Variants in LRBA observed in about 807,000 individuals in gnomAD.
LRBA encodes lipopolysaccharide-responsive and beige-like anchor protein.
Under a neutral mutation model 330.0 loss-of-function variants are expected in LRBA, and 176 were observed. The observed-to-expected ratio is 0.53, with a 90% CI of 0.47 to 0.60. The LOEUF (loss-of-function observed/expected upper bound fraction) is 0.60, where lower values mean the gene tolerates loss of function less well. Ranked by LOEUF, LRBA falls within the 20% of genes least tolerant of loss-of-function variation. The probability of loss-of-function intolerance (pLI) is 0.00; values close to 1 mark genes in which losing one functional copy is unlikely to be tolerated. For synonymous variants in LRBA, 1,230 were observed against 1,193.0 expected (o/e 1.03, Z -0.64); for missense variants, 3,259 against 3,444.8 (o/e 0.95, Z 1.35).
intron 53 of LRBA, among the ~76,000 whole-genome samples, chr4:150,296,278 A>T (rs999065981): frequency 2.0e-5 from 3 of 152,212 alleles, no homozygotes; most frequent in Non-Finnish European, 2.9e-5. Flanking sequence ...ACCCAAAGGA[A>T]ATAAGGCAGT....
chr4:150,776,669 C>A (rs926358472), intron 34 of LRBA, among the ~76,000 whole-genome samples: 1 of 151,766 alleles, frequency 6.6e-6, no homozygotes, highest in African/African-American at 2.4e-5. Flanking sequence ...AAAAATTAGC[C>A]GGGCATGGTG....
intron 37 of LRBA, among the ~76,000 whole-genome samples, chr4:150,622,688 CT>C (rs10528461): frequency 1.7e-3 from 184 of 105,608 alleles, no homozygotes; most frequent in African/African-American, 7.1e-3. Flanking sequence ...CTAAATCAAT[CT>C]TTTTTTTTTT....
At chr4:150,415,402 G>C (rs1219180697) in intron 47 of LRBA, 36 bp downstream of exon 47, 3 of 1,596,582 alleles carry the variant, frequency 1.9e-6, no homozygotes, top group Non-Finnish European at 2.6e-6. Context: ...TTGAGCAAAA[G>C]CTCATGACAG....
intron 34 of LRBA, among the ~76,000 whole-genome samples, chr4:150,769,353 CAG>C (rs1326696350): frequency 1.3e-5 from 2 of 151,696 alleles, no homozygotes; most frequent in Non-Finnish European, 2.9e-5. Flanking sequence ...GACACAGAGA[CAG>C]AGAGAGAAAG....
chr4:150,949,644 A>G (rs1162941731), intron 2 of LRBA, among the ~76,000 whole-genome samples: 5 of 152,104 alleles, frequency 3.3e-5, no homozygotes, highest in African/African-American at 1.2e-4. Context: ...ATTCTATGTG[A>G]GGTATAAATT....
At chr4:150,635,115 T>C (rs1156270652) in intron 37 of LRBA, among the ~76,000 whole-genome samples, 2 of 152,214 alleles carry the variant, frequency 1.3e-5, no homozygotes, top group Non-Finnish European at 2.9e-5. Flanking sequence ...GAAGTCAACA[T>C]GGCAGATTAG....
intron 38 of LRBA, chr4:150,597,095 C>G: frequency 7.1e-7 from 1 of 1,398,870 alleles, no homozygotes; most frequent in South Asian, 1.3e-5. Context: ...TTGCTGTTCT[C>G]TCTCAATTTA....
intron 37 of LRBA, among the ~76,000 whole-genome samples, chr4:150,645,195 T>C (rs1450718354): frequency 7.1e-6 from 1 of 140,926 alleles, no homozygotes; most frequent in Non-Finnish European, 1.6e-5. Context: ...GCTAAGGGCA[T>C]AGACTGATTT....
intron 36 of LRBA, among the ~76,000 whole-genome samples, chr4:150,729,073 A>C (rs936639929): frequency 6.6e-6 from 1 of 152,200 alleles, no homozygotes; most frequent in Non-Finnish European, 1.5e-5. Context: ...TAATCCCAGC[A>C]CTTTGTGAAG....
Position 150,896,460 on chromosome 4 carries a change from CA to C in LRBA, c.2005-5del. ...CATCTTCCTTTACTCCAGAATCCTT[CA>C]AAAACATAATACAGGTATCTTACGT... On this transcript the variant is annotated splice_region_variant and splice_polypyrimidine_tract_variant and intron_variant, in intron 15 of 56. Coordinates refer to ENST00000651943, the MANE Select transcript of LRBA (RefSeq NM_001364905.1). The C allele has an allele frequency of 6.7e-7, 1 of 1,492,692 alleles. No individual in the cohort carries two copies. The highest frequency in any genetic ancestry group is 9.2e-7 in the Non-Finnish European group (1 of 1,084,746). The allele number at this position is 1,492,692 out of a possible 1,614,324, so 92.5% of individuals were successfully genotyped here.
At chr4:150,843,215 T>C (rs1409825021) in intron 28 of LRBA, among the ~76,000 whole-genome samples, 1 of 152,136 alleles carries the variant, frequency 6.6e-6, no homozygotes, top group Non-Finnish European at 1.5e-5. Flanking sequence ...TTCAATACTA[T>C]TAAGTAGTGA....
chr4:150,834,425 A>T (rs115380136), intron 28 of LRBA, among the ~76,000 whole-genome samples: 291 of 152,346 alleles, frequency 1.9e-3, no homozygotes, highest in African/African-American at 6.5e-3. Context: ...TTCACTAAAA[A>T]GCATGAAAAT....
At chr4:150,563,741 C>T (rs1334316756) in intron 40 of LRBA, among the ~76,000 whole-genome samples, 1 of 152,054 alleles carries the variant, frequency 6.6e-6, no homozygotes, top group Non-Finnish European at 1.5e-5. Context: ...ATACCAATAA[C>T]AGACAAACAG....
intron 40 of LRBA, among the ~76,000 whole-genome samples, chr4:150,565,395 G>A (rs1201860960): frequency 6.6e-6 from 1 of 152,048 alleles, no homozygotes; most frequent in Non-Finnish European, 1.5e-5. Context: ...TAATGCATGT[G>A]GGGCTTAAAA....
chr4:150,560,814 C>T (rs1450591622), intron 40 of LRBA, among the ~76,000 whole-genome samples: 2 of 152,046 alleles, frequency 1.3e-5, no homozygotes, highest in African/African-American at 4.8e-5. Context: ...TGGAGAAACC[C>T]CGTCTCTACT....
At chr4:150,595,629 CTTTAA>C (rs560489705) in intron 38 of LRBA, among the ~76,000 whole-genome samples, 61 of 151,956 alleles carry the variant, frequency 4.0e-4, no homozygotes, top group African/African-American at 1.4e-3. Context: ...TTTTACATGT[CTTTAA>C]TTTAAATATA....
At chr4:150,358,792 A>C (rs1310446258) in intron 47 of LRBA, among the ~76,000 whole-genome samples, 1 of 152,202 alleles carries the variant, frequency 6.6e-6, no homozygotes. Context: ...AACAAAATAA[A>C]AAAAATTTAA....
intron 47 of LRBA, among the ~76,000 whole-genome samples, chr4:150,358,678 GA>G (rs1395527364): frequency 1.3e-5 from 2 of 152,056 alleles, no homozygotes; most frequent in African/African-American, 2.4e-5. Context: ...CCTAGGTATA[GA>G]AAAATGAATG....
intron 37 of LRBA, among the ~76,000 whole-genome samples, chr4:150,615,870 T>C (rs918671232): frequency 6.6e-6 from 1 of 152,016 alleles, no homozygotes; most frequent in African/African-American, 2.4e-5. Flanking sequence ...ACCCGGCCAA[T>C]AAAACTTTCC....
Sources: allele counts gnomAD v4.1 joint callset (sites outside exome capture counted in the v4.1 genomes callset), GRCh38; gene constraint gnomAD v4.1.1; transcripts MANE v1.5; gene names NCBI Gene and HGNC (gene_info 2026-07-23, HGNC 2026-07-21).